PLEKHA6: variants seen among roughly 807,000 people sequenced by gnomAD.
The protein encoded by PLEKHA6 is pleckstrin homology domain-containing family A member 6.
Under a neutral mutation model 116.7 loss-of-function variants are expected in PLEKHA6, and 60 were observed. That is an observed-to-expected ratio of 0.51 (90% CI 0.42 to 0.64). The LOEUF (loss-of-function observed/expected upper bound fraction) is 0.64. Ranked by LOEUF, PLEKHA6 falls within the 30% of genes least tolerant of loss-of-function variation. The pLI is 0.00. For missense variants in PLEKHA6, 1,338 were observed against 1,422.7 expected (o/e 0.94, Z 0.96); for synonymous variants, 489 against 556.1 (o/e 0.88, Z 1.70).
At chr1:204,300,759 T>A (rs1670737610) in intron 1 of PLEKHA6, among the ~76,000 whole-genome samples, 1 of 152,226 alleles carries the variant, frequency 6.6e-6, no homozygotes, top group Non-Finnish European at 1.5e-5. Context: ...TCAGCCCACT[T>A]ATCAGCTGAA....
At chr1:204,325,251 C>T (rs993145148) in intron 1 of PLEKHA6, among the ~76,000 whole-genome samples, 2 of 152,120 alleles carry the variant, frequency 1.3e-5, no homozygotes, top group Admixed American at 6.5e-5. Context: ...CTGGGGTCAG[C>T]CCATAGAAAA....
At chr1:204,356,413 T>C (rs771880813) in intron 1 of PLEKHA6, among the ~76,000 whole-genome samples, 16 of 151,802 alleles carry the variant, frequency 1.1e-4, no homozygotes, top group South Asian at 2.1e-4. Flanking sequence ...CAAAAATACA[T>C]AAAATTAGCC....
Position 204,257,807 on chromosome 1 carries a change from T to A in PLEKHA6, c.1070A>T (p.Gln357Leu). ...VPEYYGPYSS[Q>L]YPDDYQYYPP... ...GTAGTACTGATAATCATCGGGGTACTGGGAGGAGTAGGGGCCATAGTACTC... is the reference window on the plus strand; with the variant it reads ...GTAGTACTGATAATCATCGGGGTACAGGGAGGAGTAGGGGCCATAGTACTC... Residue 357 changes from glutamine (Q) to leucine (L), a missense_variant, in exon 9 of 23, where the codon CAG becomes CTG. Coordinates refer to ENST00000272203, the MANE Select transcript of PLEKHA6 (RefSeq NM_014935.5). This position sits in a 1 kb window ranked among gnomAD's most constrained non-coding sequence, Gnocchi z 6.5. The A allele has an allele frequency of 6.2e-7, 1 of 1,614,014 alleles. No individual in the cohort carries two copies. Among genetic ancestry groups the A allele is most frequent in the Non-Finnish European group, 8.5e-7 (1 of 1,179,980 alleles).
intron 1 of PLEKHA6, among the ~76,000 whole-genome samples, chr1:204,297,428 C>G (rs1670390330): frequency 6.6e-6 from 1 of 152,184 alleles, no homozygotes; most frequent in Non-Finnish European, 1.5e-5. Context: ...GAGTTGATAT[C>G]AGGCAGTCTT....
At chr1:204,315,895 G>A (rs897474675) in intron 1 of PLEKHA6, among the ~76,000 whole-genome samples, 1 of 152,204 alleles carries the variant, frequency 6.6e-6, no homozygotes, top group Non-Finnish European at 1.5e-5. Context: ...TTAAGGAGAC[G>A]GGAGATTACT....
chr1:204,252,317 A>G (rs1485331786), intron 9 of PLEKHA6, among the ~76,000 whole-genome samples: 7 of 151,792 alleles, frequency 4.6e-5, no homozygotes. Context: ...CAATTTAAAA[A>G]GAGAGAAATG....
At chr1:204,285,752 C>T (rs1358381886) in intron 1 of PLEKHA6, among the ~76,000 whole-genome samples, 1 of 152,208 alleles carries the variant, frequency 6.6e-6, no homozygotes, top group Non-Finnish European at 1.5e-5. Context: ...TCATTACTAA[C>T]AGCACTGGCC....
intron 1 of PLEKHA6, among the ~76,000 whole-genome samples, chr1:204,293,375 T>G (rs1256028066): frequency 5.9e-5 from 9 of 152,124 alleles, no homozygotes; most frequent in Non-Finnish European, 1.5e-5. Flanking sequence ...CCTCAGGTGA[T>G]CCGCCCGCCT....
intron 12 of PLEKHA6, among the ~76,000 whole-genome samples, chr1:204,247,859 C>T (rs1343824798): frequency 6.6e-6 from 1 of 151,760 alleles, no homozygotes; most frequent in African/African-American, 2.4e-5. Flanking sequence ...GGGGCTGAGG[C>T]AGGAGATCAC....
At chr1:204,307,917 C>A (rs1379763843) in intron 1 of PLEKHA6, 19 of 983,986 alleles carry the variant, frequency 1.9e-5, no homozygotes, top group Non-Finnish European at 2.2e-5. Flanking sequence ...GGCAAGTCTG[C>A]AGCTTAAGAG....
intron 1 of PLEKHA6, among the ~76,000 whole-genome samples, chr1:204,279,567 T>A (rs1572039563): frequency 6.6e-6 from 1 of 152,188 alleles, no homozygotes; most frequent in Non-Finnish European, 1.5e-5. Context: ...CATGAATACA[T>A]ACCCAAATGG....
At chr1:204,233,444 G>A (rs924600791) in intron 17 of PLEKHA6, among the ~76,000 whole-genome samples, 2 of 150,732 alleles carry the variant, frequency 1.3e-5, no homozygotes, top group Admixed American at 6.6e-5. Context: ...AGGTTCAAGC[G>A]ATTCTCCTGC....
intron 1 of PLEKHA6, chr1:204,327,038 C>G: frequency 1.0e-6 from 1 of 983,636 alleles, no homozygotes; most frequent in Non-Finnish European, 1.2e-6. Flanking sequence ...GTTTCAGCCT[C>G]TCCCCAGTCT....
chr1:204,265,596 G>A (rs1368123428), intron 5 of PLEKHA6, among the ~76,000 whole-genome samples: 7 of 152,314 alleles, frequency 4.6e-5, no homozygotes, highest in Admixed American at 1.3e-4. Flanking sequence ...ATCCTGCCTC[G>A]CTAAATGAGA....
At chr1:204,323,856 G>A (rs1672150306) in intron 1 of PLEKHA6, among the ~76,000 whole-genome samples, 2 of 152,190 alleles carry the variant, frequency 1.3e-5, no homozygotes, top group South Asian at 4.1e-4. Context: ...TTAAGATGAG[G>A]AACCTGAGAC....
chr1:204,262,036 C>T (rs4338423), intron 6 of PLEKHA6: 14,072 of 154,234 alleles, frequency 0.091, 802 homozygotes, highest in Middle Eastern at 0.19. Flanking sequence ...GGTCCTCACG[C>T]GGTCAGAAGG....
At chr1:204,332,369 C>A (rs1672485028) in intron 1 of PLEKHA6, among the ~76,000 whole-genome samples, 1 of 152,076 alleles carries the variant, frequency 6.6e-6, no homozygotes, top group Non-Finnish European at 1.5e-5. Context: ...AGGCATCAGT[C>A]CTCACTGTTT....
rs148042120 is a variant in PLEKHA6 at position 204,302,876 on chromosome 1, CAAAGAA to C, written c.-94-28073_-94-28068del. ...GGGGGACAAGAGCAAAACTCCATCT[CAAAGAA>C]AAAGAAAAAGAAAAAGAAAAAGAAA... On this transcript the variant is annotated intron_variant, in intron 1 of 22. Coordinates refer to ENST00000272203, the MANE Select transcript of PLEKHA6 (RefSeq NM_014935.5). Among the ~76,000 whole-genome samples, 316 of 148,464 alleles carry C rather than the reference CAAAGAA, an allele frequency of 2.1e-3. 1 individual carries two copies. Among genetic ancestry groups the C allele is most frequent in the South Asian group, 7.3e-3 (33 of 4,532 alleles).
At chr1:204,302,900 A>G (rs958899709) in intron 1 of PLEKHA6, among the ~76,000 whole-genome samples, 1 of 151,992 alleles carries the variant, frequency 6.6e-6, no homozygotes, top group African/African-American at 2.4e-5. Context: ...AAGAAAAAGA[A>G]AAAGAAAACC....
Sources: allele counts gnomAD v4.1 joint callset (sites outside exome capture counted in the v4.1 genomes callset), GRCh38; gene constraint gnomAD v4.1.1; non-coding constraint Gnocchi (gnomAD v3.1); transcripts MANE v1.5; gene names NCBI Gene and HGNC (gene_info 2026-07-23, HGNC 2026-07-21).